VAV3: variants seen among roughly 807,000 people sequenced by gnomAD.
The protein encoded by VAV3 is guanine nucleotide exchange factor VAV3.
Under a neutral mutation model 131.2 loss-of-function variants are expected in VAV3, and 94 were observed. The observed-to-expected ratio is 0.72, with a 90% CI of 0.61 to 0.85. The LOEUF is 0.85. Ranked by LOEUF, VAV3 falls within the 40% of genes least tolerant of loss-of-function variation. The pLI is 0.00. For synonymous variants in VAV3, 349 were observed against 342.0 expected (o/e 1.02, Z -0.22); for missense variants, 939 against 1,002.7 (o/e 0.94, Z 0.86).
chr1:107,734,739 A>T (rs1457117091), intron 15 of VAV3, among the ~76,000 whole-genome samples: 1 of 152,206 alleles, frequency 6.6e-6, no homozygotes, highest in Non-Finnish European at 1.5e-5. Context: ...AAAGAGACTT[A>T]GACTCCCACA....
At position 107,760,851 on chromosome 1, in the gene VAV3, T is replaced by G. The variant is rs750771007; in HGVS notation, c.950A>C (p.Lys317Thr). ...EECSKRANNG[K>T]FTLRDLLVVP... ...CACAAGCAAGTCTCGAAGAGTAAAT[T>G]TCCCATTATTTGCTCTTTTGGAACA... is the stretch of plus-strand genomic sequence containing the variant. The change falls in exon 10 of 27, where the codon AAA becomes ACA. Residue 317 changes from lysine (K) to threonine (T), a missense_variant. By Grantham distance (78) the Lys-to-Thr change is moderately conservative (BLOSUM62 -1). Coordinates refer to ENST00000370056, the MANE Select transcript of VAV3 (RefSeq NM_006113.5). 6.2e-7 allele frequency: 1 copy of G among 1,613,720 alleles called. No homozygotes were observed. Among genetic ancestry groups the G allele is most frequent in the Non-Finnish European group, 8.5e-7 (1 of 1,179,740 alleles).
chr1:107,656,615 C>A (rs1656577538), intron 19 of VAV3, among the ~76,000 whole-genome samples: 1 of 151,994 alleles, frequency 6.6e-6, no homozygotes, highest in African/African-American at 2.4e-5. Context: ...TTCAAATGTT[C>A]CAAGCATAAA....
At chr1:107,867,120 T>C (rs532359525) in intron 2 of VAV3, among the ~76,000 whole-genome samples, 1 of 152,348 alleles carries the variant, frequency 6.6e-6, no homozygotes, top group Non-Finnish European at 1.5e-5. Context: ...CAATATGCAG[T>C]GTTTACCAAA....
chr1:107,831,764 T>C (rs1258467377), intron 2 of VAV3, among the ~76,000 whole-genome samples: 1 of 152,246 alleles, frequency 6.6e-6, no homozygotes, highest in Non-Finnish European at 1.5e-5. Flanking sequence ...CATGCTAGTA[T>C]ATAATAGACT....
At chr1:107,583,173 G>A (rs1487866236) in intron 25 of VAV3, among the ~76,000 whole-genome samples, 1 of 152,104 alleles carries the variant, frequency 6.6e-6, no homozygotes, top group Non-Finnish European at 1.5e-5. Flanking sequence ...GTGATGGTGA[G>A]CATTTTTTCA....
chr1:107,620,481 A>T (rs961126241), intron 20 of VAV3, among the ~76,000 whole-genome samples: 4 of 152,210 alleles, frequency 2.6e-5, no homozygotes, highest in Admixed American at 2.6e-4. Context: ...CTATACACGT[A>T]GCCTAGGTGT....
chr1:107,641,722 G>A (rs1474947762), intron 20 of VAV3, among the ~76,000 whole-genome samples: 2 of 152,094 alleles, frequency 1.3e-5, no homozygotes, highest in Non-Finnish European at 2.9e-5. Context: ...ATGGCCACAG[G>A]CAAGCTAATT....
chr1:107,688,274 T>A, intron 18 of VAV3, 107 bp downstream of exon 18: 1 of 1,314,318 alleles, frequency 7.6e-7, no homozygotes, highest in Non-Finnish European at 1.0e-6. Context: ...TTTATTTCTA[T>A]TTATTTTAAA....
rs562945818 is a variant in VAV3 at position 107,735,756 on chromosome 1, A to G, written c.1502+13212T>C. Among the ~76,000 whole-genome samples the G allele has an allele frequency of 2.0e-5, 3 of 152,358 alleles. No individual in the cohort carries two copies. In the East Asian group the frequency reaches 5.8e-4, roughly 29 times the overall value. On this transcript the variant is annotated intron_variant, in intron 15 of 26. Transcript: ENST00000370056. ...AAAAAGTCCAAGACCAGACGGATTCACAACCGACTTCTACCAGATACAAAA... is the reference window on the plus strand; with the variant it reads ...AAAAAGTCCAAGACCAGACGGATTCGCAACCGACTTCTACCAGATACAAAA...
chr1:107,612,047 T>C (rs1652774284), intron 21 of VAV3, among the ~76,000 whole-genome samples: 1 of 152,026 alleles, frequency 6.6e-6, no homozygotes, highest in Non-Finnish European at 1.5e-5. Flanking sequence ...AGCACCATAG[T>C]CCATTAACAC....
intron 15 of VAV3, among the ~76,000 whole-genome samples, chr1:107,728,449 A>G (rs1661986244): frequency 6.6e-6 from 1 of 151,986 alleles, no homozygotes; most frequent in African/African-American, 2.4e-5. Flanking sequence ...TTTGAGGGAA[A>G]AATAATCTGT....
intron 1 of VAV3, 33 bp from the exon 2 acceptor site, chr1:107,875,050 T>A: frequency 6.4e-7 from 1 of 1,556,278 alleles, no homozygotes. Context: ...TAGCATAAAG[T>A]TAATTATTCT....
chr1:107,661,716 TTGAC>T (rs1216968763), intron 19 of VAV3, among the ~76,000 whole-genome samples: 4 of 152,228 alleles, frequency 2.6e-5, no homozygotes, highest in African/African-American at 2.4e-5. Flanking sequence ...TCTGCATTTC[TTGAC>T]TAATTTTGCT....
At chr1:107,914,189 G>A (rs1043969393) in intron 1 of VAV3, among the ~76,000 whole-genome samples, 6 of 152,336 alleles carry the variant, frequency 3.9e-5, no homozygotes, top group Middle Eastern at 6.8e-3. Flanking sequence ...TGGCTAATGA[G>A]TACAGAAATC....
At chr1:107,833,869 T>C (rs1228524380) in intron 2 of VAV3, among the ~76,000 whole-genome samples, 3 of 152,214 alleles carry the variant, frequency 2.0e-5, no homozygotes, top group Non-Finnish European at 4.4e-5. Context: ...AGTTCTTCCT[T>C]GACTACTACA....
At chr1:107,668,756 G>T in intron 19 of VAV3, 2 of 983,784 alleles carry the variant, frequency 2.0e-6, no homozygotes, top group Non-Finnish European at 2.4e-6. Flanking sequence ...ATGAATGTAG[G>T]TGTTTCAGTA....
intron 15 of VAV3, among the ~76,000 whole-genome samples, chr1:107,730,547 C>CA (rs1487604205): frequency 1.3e-5 from 2 of 152,082 alleles, no homozygotes; most frequent in Admixed American, 6.5e-5. Flanking sequence ...ATAAAGTGAT[C>CA]AAAAAATCTT....
chr1:107,822,400 A>T (rs545369019), intron 2 of VAV3, among the ~76,000 whole-genome samples: 44 of 152,260 alleles, frequency 2.9e-4, no homozygotes, highest in Admixed American at 1.7e-3. Context: ...CATGCCTGTA[A>T]TCTCAGCACT....
chr1:107,625,585 C>T (rs147200913), intron 20 of VAV3, among the ~76,000 whole-genome samples: 2 of 152,088 alleles, frequency 1.3e-5, no homozygotes, highest in Admixed American at 1.3e-4. Flanking sequence ...AATCTGATAG[C>T]ATTTATTTAC....
Sources: allele counts gnomAD v4.1 joint callset (sites outside exome capture counted in the v4.1 genomes callset), GRCh38; gene constraint gnomAD v4.1.1; transcripts MANE v1.5; gene names NCBI Gene and HGNC (gene_info 2026-07-23, HGNC 2026-07-21).